ARPC5L: variants seen among roughly 807,000 people sequenced by gnomAD.
ARPC5L encodes the protein actin-related protein 2/3 complex subunit 5-like protein.
In ARPC5L, 4 loss-of-function variants were observed where a neutral mutation model predicts 16.9. The ratio of observed to expected loss-of-function variants is 0.24; its 90% CI spans 0.12 to 0.54. The LOEUF is 0.54. ARPC5L is among the 20% of genes least tolerant of loss of function. ARPC5L has a pLI of 0.95. For missense variants in ARPC5L, 151 were observed against 201.9 expected, an observed-to-expected ratio of 0.75 and a Z score of 1.53; for synonymous variants, 78 against 82.6, an observed-to-expected ratio of 0.94 and a Z score of 0.30.
intron 5 of ARPC5L, among the ~76,000 whole-genome samples, chr9:124,875,356 C>CTTT (rs1829417489): frequency 6.6e-6 from 1 of 152,204 alleles, no homozygotes; most frequent in African/African-American, 2.4e-5. Context: ...ATTGCAGTTA[C>CTTT]TTTTTTGCTT....
intron 3 of ARPC5L, among the ~76,000 whole-genome samples, chr9:124,869,967 G>A (rs115990974): frequency 0.017 from 2,522 of 152,294 alleles, 73 homozygotes; most frequent in African/African-American, 0.058. Context: ...AACCCAGGAG[G>A]GAGTGGAGGC....
intron 2 of ARPC5L, among the ~76,000 whole-genome samples, chr9:124,867,808 CTTTTTT>C (rs57343594): frequency 2.2e-4 from 22 of 98,750 alleles, no homozygotes; most frequent in African/African-American, 3.3e-4. Context: ...CTTTTCTTTT[CTTTTTT>C]TTTTTTTTTT....
Position 124,869,203 on chromosome 9 carries a change from C to CTG in ARPC5L, c.-88_-87insTG. Reference sequence around the variant, plus strand: ...CTGGGAGCAGCCGGGCAGCCGCTTCCCGCCCCCGAGCAGGAGCCGGTGCGA... The same window carrying CTG: ...CTGGGAGCAGCCGGGCAGCCGCTTCCTGCGCCCCCGAGCAGGAGCCGGTGCGA... On this transcript the variant is annotated 5_prime_UTR_variant, in exon 3 of 6. Transcript: ENST00000353214. The CTG allele has an allele frequency of 1.5e-6, 2 of 1,330,118 alleles. No homozygotes were observed. Among genetic ancestry groups the CTG allele is most frequent in the South Asian group, 3.7e-5 (2 of 53,458 alleles). 82.4% of individuals were successfully genotyped at this position (1,330,118 alleles called of 1,614,324 possible). A position where few individuals can be genotyped will look rare whatever the true frequency, so the allele number is the denominator to read the frequency against.
chr9:124,870,504 C>A (rs1219855854), intron 3 of ARPC5L, among the ~76,000 whole-genome samples: 1 of 152,152 alleles, frequency 6.6e-6, no homozygotes, highest in Non-Finnish European at 1.5e-5. Context: ...GTGGGGCCTG[C>A]TGCTTTAGGG....
intron 5 of ARPC5L, among the ~76,000 whole-genome samples, chr9:124,875,812 G>A (rs1829425665): frequency 6.6e-6 from 1 of 152,198 alleles, no homozygotes; most frequent in Admixed American, 6.5e-5. Flanking sequence ...AGCAGACCAG[G>A]AGTTACTAAC....
intron 2 of ARPC5L, among the ~76,000 whole-genome samples, chr9:124,865,921 A>G (rs910568908): frequency 6.6e-6 from 1 of 152,058 alleles, no homozygotes; most frequent in Non-Finnish European, 1.5e-5. Context: ...CCTGACCAAC[A>G]TGGTGAAAAC....
Position 124,875,541 on chromosome 9 carries a change from T to C in ARPC5L, c.399+390T>C, listed in dbSNP as rs1414459302. On this transcript the variant is annotated intron_variant, in intron 5 of 5. Transcript: ENST00000353214. The stretch of plus-strand genomic sequence containing the variant: ...GGCAGCTGTTGGGGGTTCTTAGAAA[T>C]AGAGTCCTCCAGCCAGCTCTAAGGG... 2.6e-5 allele frequency among the ~76,000 whole-genome samples: 4 copies of C among 152,102 alleles called. No homozygotes were observed. The East Asian group carries it at 7.7e-4, about 29-fold the overall frequency.
intron 1 of ARPC5L, among the ~76,000 whole-genome samples, chr9:124,862,602 C>G (rs976242442): frequency 1.3e-5 from 2 of 149,402 alleles, no homozygotes; most frequent in African/African-American, 4.9e-5. Flanking sequence ...ACTGCAACCT[C>G]CGCCTCCCGG....
Position 124,869,066 on chromosome 9 carries a change from A to T in ARPC5L, c.-225A>T. 2.4e-6 allele frequency: 1 copy of T among 417,446 alleles called. No individual in the cohort carries two copies. The highest frequency in any genetic ancestry group is 4.1e-6 in the Non-Finnish European group (1 of 243,442). 25.9% of individuals were successfully genotyped at this position (417,446 alleles called of 1,614,324 possible). A position where few individuals can be genotyped will look rare whatever the true frequency, so the allele number is the denominator to read the frequency against. ...GTGGGGGAGGCTGCGGTGATCCCAT[A>T]CCGCACTCCAGGTGCCAGGCTCCGC... On this transcript the variant is annotated 5_prime_UTR_variant, in exon 3 of 6. Transcript: ENST00000353214.
intron 2 of ARPC5L, among the ~76,000 whole-genome samples, chr9:124,866,147 T>C (rs892313108): frequency 5.3e-5 from 8 of 151,878 alleles, no homozygotes; most frequent in African/African-American, 1.9e-4. Flanking sequence ...CTCACGTCTG[T>C]AATCCCAGCA....
Position 124,869,219 on chromosome 9 carries a change from G to A in ARPC5L, c.-72G>A. The A allele has an allele frequency of 1.5e-6, 2 of 1,370,554 alleles. No individual in the cohort carries two copies. The highest frequency in any genetic ancestry group is 1.9e-6 in the Non-Finnish European group (2 of 1,059,420). The allele number at this position is 1,370,554 out of a possible 1,614,324, so 84.9% of individuals were successfully genotyped here. On this transcript the variant is annotated 5_prime_UTR_variant, in exon 3 of 6. Coordinates refer to ENST00000353214, the MANE Select transcript of ARPC5L (RefSeq NM_030978.3). ...AGCCGCTTCCCGCCCCCGAGCAGGAGCCGGTGCGAGCGGAGCAGAGCCGAG... is the reference window on the plus strand; with the variant it reads ...AGCCGCTTCCCGCCCCCGAGCAGGAACCGGTGCGAGCGGAGCAGAGCCGAG...
At chr9:124,874,710 T>C (rs950181048) in intron 4 of ARPC5L, among the ~76,000 whole-genome samples, 3 of 149,956 alleles carry the variant, frequency 2.0e-5, no homozygotes, top group African/African-American at 7.3e-5. Context: ...TTTTCTCTTC[T>C]CTCTCTCTCT....
chr9:124,869,511 G>A (rs565577675), intron 3 of ARPC5L, 72 bp downstream of exon 3: 3 of 1,396,038 alleles, frequency 2.1e-6, no homozygotes, highest in South Asian at 1.6e-5. Context: ...ACCTTCTCGG[G>A]CCCTTTCGGG....
At chr9:124,873,448 G>T (rs1829388465) in intron 3 of ARPC5L, 1 of 563,718 alleles carries the variant, frequency 1.8e-6, no homozygotes, top group African/African-American at 1.9e-5. Flanking sequence ...ACCCCTCCAG[G>T]ACAGTTGCTT....
Position 124,875,170 on chromosome 9 carries a change from G to C in ARPC5L, c.399+19G>C. The C allele has an allele frequency of 6.2e-7, 1 of 1,606,432 alleles. No individual in the cohort carries two copies. The highest frequency in any genetic ancestry group is 8.5e-7 in the Non-Finnish European group (1 of 1,175,432). Reference sequence around the variant, plus strand: ...CGAAAAGGTATGTGAACGCTGCCACGCGCCCCAGTGAGCCACCTGGCTTGC... The same window carrying C: ...CGAAAAGGTATGTGAACGCTGCCACCCGCCCCAGTGAGCCACCTGGCTTGC... On this transcript the variant is annotated intron_variant, in intron 5 of 5. Coordinates refer to ENST00000353214, the MANE Select transcript of ARPC5L (RefSeq NM_030978.3).
At chr9:124,874,929 G>T (rs1433353174) in intron 4 of ARPC5L, 46 bp from the exon 5 acceptor site, 2 of 1,609,890 alleles carry the variant, frequency 1.2e-6, no homozygotes, top group African/African-American at 1.3e-5. Context: ...ATGGCATGGC[G>T]GTGCCTTCGC....
chr9:124,869,676 C>T (rs973139210), intron 3 of ARPC5L, among the ~76,000 whole-genome samples: 6 of 152,110 alleles, frequency 3.9e-5, no homozygotes, highest in Non-Finnish European at 8.8e-5. Context: ...GTCCCGCAGG[C>T]CCCTGGACCC....
chr9:124,869,123 G>A lies in ARPC5L; in HGVS notation c.-168G>A. ...CCTGACGGCGCTTCCGGATCCGGCG[G>A]GTGCCGGAAGTGGGCGGGCGGCGGC... On this transcript the variant is annotated 5_prime_UTR_variant, in exon 3 of 6. Transcript: ENST00000353214. 3.8e-6 allele frequency: 3 copies of A among 788,996 alleles called. No individual in the cohort carries two copies. The highest frequency in any genetic ancestry group is 4.5e-5 in the South Asian group (1 of 22,334). The allele number at this position is 788,996 out of a possible 1,614,324, so 48.9% of individuals were successfully genotyped here. A position where few individuals can be genotyped will look rare whatever the true frequency, so the allele number is the denominator to read the frequency against.
intron 2 of ARPC5L, 46 bp downstream of exon 2, chr9:124,864,153 A>G (rs1829239929): frequency 6.6e-6 from 1 of 150,978 alleles, no homozygotes. Context: ...GAAAAAAGAG[A>G]GTAGAGAGAG....
Sources: gnomAD v4.1 joint callset for allele counts (sites outside exome capture counted in the v4.1 genomes callset) on GRCh38, gnomAD v4.1.1 for gene constraint, MANE v1.5 for transcripts, NCBI Gene and HGNC (gene_info 2026-07-23, HGNC 2026-07-21) for gene names.